KLF15: variants seen among roughly 807,000 people sequenced by gnomAD.
KLF15 encodes the protein KLF transcription factor 15.
In KLF15, 4 loss-of-function variants were observed where a neutral mutation model predicts 24.6. That is an observed-to-expected ratio of 0.16 (90% confidence interval 0.08 to 0.37). KLF15 has a LOEUF of 0.37. Ranked by LOEUF, KLF15 falls within the 10% of genes least tolerant of loss-of-function variation. KLF15 has a pLI of 1.00. For missense variants in KLF15, 496 were observed against 560.6 expected, an observed-to-expected ratio of 0.88 and a Z score of 1.16; for synonymous variants, 246 against 236.3, an observed-to-expected ratio of 1.04 and a Z score of -0.37.
the KLF15 span, among the ~76,000 whole-genome samples, chr3:126,331,936 A>G: frequency 0.7 from 106,783 of 152,096 alleles, 37,917 homozygotes; most frequent in African/African-American, 0.81. Context: ...ACGGAATCTC[A>G]CTGACTGCTA....
intron 2 of KLF15, among the ~76,000 whole-genome samples, chr3:126,347,386 C>G (rs1389184183): frequency 2.0e-5 from 3 of 152,194 alleles, no homozygotes; most frequent in Non-Finnish European, 4.4e-5. Context: ...TGAGAGCAGG[C>G]TGGGAGCCAG....
chr3:126,320,879 G>A, the KLF15 span, among the ~76,000 whole-genome samples: 23 of 152,004 alleles, frequency 1.5e-4, no homozygotes, highest in African/African-American at 5.1e-4. Flanking sequence ...GATTTAGCAG[G>A]GGAAGGGTGG....
At chr3:126,321,824 C>T in the KLF15 span, among the ~76,000 whole-genome samples, 6 of 152,288 alleles carry the variant, frequency 3.9e-5, no homozygotes, top group African/African-American at 9.6e-5. Flanking sequence ...GTGTCGGCTC[C>T]GGGGTGGCAC....
chr3:126,313,847 G>A, the KLF15 span, among the ~76,000 whole-genome samples: 9 of 152,246 alleles, frequency 5.9e-5, no homozygotes, highest in Admixed American at 2.6e-4. Flanking sequence ...ACTGGGGCAC[G>A]TTGTGTGGCT....
the KLF15 span, among the ~76,000 whole-genome samples, chr3:126,299,992 G>T: frequency 5.9e-5 from 9 of 152,246 alleles, no homozygotes; most frequent in Admixed American, 1.3e-4. Flanking sequence ...AAACTCATAT[G>T]GGGTGTACGT....
chr3:126,304,358 T>C, the KLF15 span, among the ~76,000 whole-genome samples: 1 of 152,152 alleles, frequency 6.6e-6, no homozygotes, highest in African/African-American at 2.4e-5. Flanking sequence ...AATTAAGAGG[T>C]TTCCTAGACT....
the KLF15 span, among the ~76,000 whole-genome samples, chr3:126,312,981 T>C: frequency 6.6e-6 from 1 of 152,202 alleles, no homozygotes; most frequent in Non-Finnish European, 1.5e-5. Context: ...TTCAGGGATG[T>C]TATGGGCTGA....
downstream of KLF15, among the ~76,000 whole-genome samples, chr3:126,340,930 T>C (rs2082475399): frequency 6.6e-6 from 1 of 152,022 alleles, no homozygotes; most frequent in Non-Finnish European, 1.5e-5. Context: ...ACAGCTGGGC[T>C]CTGCATCCTG....
chr3:126,323,250 G>C, the KLF15 span, among the ~76,000 whole-genome samples: 1 of 148,628 alleles, frequency 6.7e-6, no homozygotes, highest in East Asian at 2.0e-4. Flanking sequence ...TCACCCCATG[G>C]TTCTCTCTCT....
intron 2 of KLF15, among the ~76,000 whole-genome samples, chr3:126,351,001 T>C (rs2082578036): frequency 6.6e-6 from 1 of 152,232 alleles, no homozygotes; most frequent in Non-Finnish European, 1.5e-5. Flanking sequence ...CCGGAGCACA[T>C]GAGCTCTTCG....
At chr3:126,348,334 C>T (rs191331265) in intron 2 of KLF15, among the ~76,000 whole-genome samples, 169 of 152,154 alleles carry the variant, frequency 1.1e-3, no homozygotes, top group African/African-American at 4.0e-3. Flanking sequence ...CATTAGAGGC[C>T]CTGGTTATTA....
downstream of KLF15, among the ~76,000 whole-genome samples, chr3:126,338,562 A>T (rs1032840052): frequency 2.0e-5 from 3 of 152,228 alleles, no homozygotes; most frequent in Admixed American, 2.0e-4. Context: ...CCACACTTCA[A>T]TCCTTCACAC....
chr3:126,306,245 G>A, the KLF15 span, among the ~76,000 whole-genome samples: 1 of 152,046 alleles, frequency 6.6e-6, no homozygotes, highest in Non-Finnish European at 1.5e-5. Flanking sequence ...GCCCAGGGGT[G>A]GACTTTCCTT....
At chr3:126,291,854 G>C in the KLF15 span, among the ~76,000 whole-genome samples, 1 of 152,234 alleles carries the variant, frequency 6.6e-6, no homozygotes, top group Non-Finnish European at 1.5e-5. Context: ...CAGCCAGCCA[G>C]GTGCCCTGGA....
chr3:126,296,214 T>C, the KLF15 span, among the ~76,000 whole-genome samples: 1 of 152,216 alleles, frequency 6.6e-6, no homozygotes, highest in Non-Finnish European at 1.5e-5. Context: ...ATTTTTAATG[T>C]GTGCTAAATT....
the KLF15 span, among the ~76,000 whole-genome samples, chr3:126,312,858 C>T: frequency 6.6e-6 from 1 of 152,162 alleles, no homozygotes; most frequent in Non-Finnish European, 1.5e-5. Context: ...CTAGCTTCTG[C>T]TGGTGGTTGG....
At chr3:126,307,664 G>A in the KLF15 span, among the ~76,000 whole-genome samples, 5 of 152,144 alleles carry the variant, frequency 3.3e-5, no homozygotes, top group Non-Finnish European at 5.9e-5. Context: ...ATTAAAGACC[G>A]GGATATTTCA....
chr3:126,329,113 T>C, the KLF15 span, among the ~76,000 whole-genome samples: 2 of 152,218 alleles, frequency 1.3e-5, no homozygotes, highest in African/African-American at 4.8e-5. Context: ...ACCTTTATAA[T>C]TGTGTGTTTG....
rs1490349170 is a variant in KLF15, at chr3:126,352,448, C to T, written c.475G>A (p.Val159Ile). 2 of 1,613,612 alleles carry T rather than the reference C, an allele frequency of 1.2e-6. No individual in the cohort carries two copies. The highest frequency in any genetic ancestry group is 2.2e-5 in the South Asian group (2 of 91,074). The change falls in exon 2 of 3, where the codon GTC (valine) becomes ATC (isoleucine). Residue 159 changes from valine (V) to isoleucine (I), a missense_variant. Val to Ile is a conservative substitution (Grantham distance 29). Around this residue, in one of 3 missense-constraint regions of KLF15, gnomAD observed 399 missense variants for 423.1 expected, o/e 0.94. Coordinates refer to ENST00000296233, the MANE Select transcript of KLF15 (RefSeq NM_014079.4). ...AAGTCCTTGCTGTTGCCCTCAGGGA[C>T]CTCCTTGACTCCAGGCTCCATGTTC... ...EENMEPGVKE[V>I]PEGNSKDLDA...
Sources: allele counts gnomAD v4.1 joint callset (sites outside exome capture counted in the v4.1 genomes callset), GRCh38; gene constraint gnomAD v4.1.1; regional missense constraint gnomAD v4.1.1; transcripts MANE v1.5; gene names NCBI Gene and HGNC (gene_info 2026-07-23, HGNC 2026-07-21).